RBPJ: variants seen among roughly 807,000 people sequenced by gnomAD.
The protein encoded by RBPJ is recombination signal binding protein for immunoglobulin kappa J region, also known as recombining binding protein suppressor of hairless.
Under a neutral mutation model 67.8 loss-of-function variants are expected in RBPJ, and 9 were observed. The observed-to-expected ratio is 0.13, with a 90% CI of 0.08 to 0.23. RBPJ has a LOEUF of 0.23. RBPJ is among the 10% of genes least tolerant of loss of function. RBPJ has a pLI of 1.00. For missense variants in RBPJ, 305 were observed against 595.6 expected, an observed-to-expected ratio of 0.51 and a Z score of 5.08; for synonymous variants, 198 against 203.3, an observed-to-expected ratio of 0.97 and a Z score of 0.22.
chr4:26,120,879 T>C, the RBPJ span, among the ~76,000 whole-genome samples: 6 of 143,298 alleles, frequency 4.2e-5, no homozygotes, highest in African/African-American at 1.5e-4. Flanking sequence ...TATTCTTATC[T>C]AGCCCTATGT....
intron 1 of RBPJ, among the ~76,000 whole-genome samples, chr4:26,293,682 A>G (rs1721752434): frequency 7.2e-6 from 1 of 138,996 alleles, no homozygotes. Context: ...TTTATATTAA[A>G]AGATTTTCCA....
intron 1 of RBPJ, among the ~76,000 whole-genome samples, chr4:26,370,271 A>G (rs1560300572): frequency 6.6e-6 from 1 of 152,206 alleles, no homozygotes; most frequent in African/African-American, 2.4e-5. Context: ...TCCAAAGTTC[A>G]AATTTTTACT....
intron 1 of RBPJ, among the ~76,000 whole-genome samples, chr4:26,223,323 A>T (rs1225453949): frequency 6.6e-6 from 1 of 152,168 alleles, no homozygotes; most frequent in Admixed American, 6.5e-5. Context: ...TGTATCACAG[A>T]CACATGAACA....
intron 5 of RBPJ, among the ~76,000 whole-genome samples, chr4:26,421,773 G>C (rs141391388): frequency 6.6e-6 from 1 of 152,076 alleles, no homozygotes; most frequent in African/African-American, 2.4e-5. Flanking sequence ...CTGCAATAGT[G>C]ACTAATACAT....
intron 3 of RBPJ, 110 bp downstream of exon 3, chr4:26,406,380 A>G (rs1439513115): frequency 1.5e-6 from 1 of 676,382 alleles, no homozygotes; most frequent in African/African-American, 1.8e-5. Context: ...TTCATTTGCT[A>G]GTACAAAATA....
intron 2 of RBPJ, among the ~76,000 whole-genome samples, chr4:26,395,643 T>C (rs1732043208): frequency 6.6e-6 from 1 of 152,164 alleles, no homozygotes; most frequent in Admixed American, 6.5e-5. Flanking sequence ...GATCTCTGCC[T>C]GCTAGCTCCC....
Position 26,339,943 on chromosome 4 carries a change from C to T in RBPJ, c.20+18895C>T, listed in dbSNP as rs564295539. Among the ~76,000 whole-genome samples the T allele has an allele frequency of 6.6e-5, 10 of 151,286 alleles. No individual in the cohort carries two copies. In the South Asian group the frequency reaches 1.3e-3, roughly 19 times the overall value. ...CTCAGGCAGGAGAATTGCTTGAACCCGGGATGCGGAGGTTGCAGTGAGGTG... is the reference window on the plus strand; with the variant it reads ...CTCAGGCAGGAGAATTGCTTGAACCTGGGATGCGGAGGTTGCAGTGAGGTG... On this transcript the variant is annotated intron_variant, in intron 1 of 10. Transcript: ENST00000355476.
chr4:26,319,149 G>C (rs1304139758), upstream of RBPJ, among the ~76,000 whole-genome samples: 5 of 151,964 alleles, frequency 3.3e-5, no homozygotes, highest in Admixed American at 6.5e-5. Flanking sequence ...GTCAGCTCCC[G>C]GAGGCGGGGG....
intron 1 of RBPJ, among the ~76,000 whole-genome samples, chr4:26,361,634 T>C (rs1728071802): frequency 6.6e-6 from 1 of 152,154 alleles, no homozygotes; most frequent in Non-Finnish European, 1.5e-5. Context: ...TAATTTAAAT[T>C]GCTTTATGAC....
intron 1 of RBPJ, among the ~76,000 whole-genome samples, chr4:26,348,422 T>A (rs2109430460): frequency 6.6e-6 from 1 of 152,368 alleles, no homozygotes; most frequent in South Asian, 2.1e-4. Flanking sequence ...TACTTGTCTT[T>A]GGGATCTTTA....
chr4:26,335,188 A>G (rs1298005262), intron 1 of RBPJ, among the ~76,000 whole-genome samples: 2 of 151,848 alleles, frequency 1.3e-5, no homozygotes, highest in South Asian at 2.1e-4. Context: ...TATTATTATT[A>G]TTATTGTTTT....
chr4:26,273,682 C>G (rs1426474518), intron 1 of RBPJ, among the ~76,000 whole-genome samples: 1 of 152,222 alleles, frequency 6.6e-6, no homozygotes, highest in Non-Finnish European at 1.5e-5. Flanking sequence ...CCTGGGAGCT[C>G]TTTTCACTCA....
intron 1 of RBPJ, among the ~76,000 whole-genome samples, chr4:26,296,451 G>A (rs1414093732): frequency 6.6e-6 from 1 of 152,118 alleles, no homozygotes; most frequent in East Asian, 1.9e-4. Context: ...TATTAATCAG[G>A]TTCAATGTCA....
intron 1 of RBPJ, among the ~76,000 whole-genome samples, chr4:26,229,798 G>A (rs909578803): frequency 1.3e-4 from 20 of 152,146 alleles, no homozygotes; most frequent in Non-Finnish European, 1.5e-5. Context: ...GATAATAAAT[G>A]GAAGGTACTG....
the RBPJ span, among the ~76,000 whole-genome samples, chr4:26,110,140 G>A: frequency 6.6e-6 from 1 of 152,148 alleles, no homozygotes; most frequent in Non-Finnish European, 1.5e-5. This position sits in a 1 kb window ranked among gnomAD's most constrained non-coding sequence, Gnocchi z 4.5. Context: ...AGGCAAGGGG[G>A]TCAATTTCTC....
At chr4:26,141,202 C>T in the RBPJ span, among the ~76,000 whole-genome samples, 2 of 152,258 alleles carry the variant, frequency 1.3e-5, no homozygotes, top group African/African-American at 2.4e-5. Context: ...GTCCAGCCCA[C>T]AGTAAATAAT....
chr4:26,280,555 A>G (rs1441140307), intron 1 of RBPJ, among the ~76,000 whole-genome samples: 5 of 152,200 alleles, frequency 3.3e-5, no homozygotes, highest in South Asian at 4.1e-4. Context: ...CAAACATTTT[A>G]TTCAAATTTC....
chr4:26,139,058 G>A, the RBPJ span, among the ~76,000 whole-genome samples: 1 of 152,218 alleles, frequency 6.6e-6, no homozygotes, highest in Non-Finnish European at 1.5e-5. Context: ...GCCAGCACCT[G>A]AGGTTCCGAG....
intron 1 of RBPJ, among the ~76,000 whole-genome samples, chr4:26,251,601 G>A (rs1264136109): frequency 7.8e-5 from 11 of 141,668 alleles, no homozygotes; most frequent in South Asian, 2.2e-4. Context: ...TCATGCCACT[G>A]CACATGAGCA....
Sources: allele counts gnomAD v4.1 joint callset (sites outside exome capture counted in the v4.1 genomes callset), GRCh38; gene constraint gnomAD v4.1.1; non-coding constraint Gnocchi (gnomAD v3.1); transcripts MANE v1.5; gene names NCBI Gene and HGNC (gene_info 2026-07-23, HGNC 2026-07-21).